The following C4orf51 variants were observed in gnomAD, a reference collection of about 807,000 sequenced individuals.
C4orf51 encodes the protein chromosome 4 open reading frame 51.
C4orf51 carries 25 observed loss-of-function variants against 25.2 expected under a neutral mutation model. The observed-to-expected ratio is 0.99, with a 90% confidence interval of 0.72 to 1.39. C4orf51 has a LOEUF of 1.39. C4orf51 is among the 40% of genes most tolerant of loss of function. The pLI is 0.00. For missense variants in C4orf51, 252 were observed against 239.6 expected (o/e 1.05, Z -0.34); for synonymous variants, 100 against 84.5 (o/e 1.18, Z -1.01).
In C4orf51 at chr4:145,680,386, G is replaced by A. The variant is rs1279686716; in HGVS notation, c.183G>A (p.Met61Ile). Residue 61 changes from methionine (M) to isoleucine (I), a missense_variant, in exon 1 of 6, where the codon ATG (methionine) becomes ATA (isoleucine). By Grantham distance (10) the Met-to-Ile change is conservative. Coordinates refer to ENST00000438731, the MANE Select transcript of C4orf51 (RefSeq NM_001080531.3). ...SYRKKQLDKS[M>I]CSQFSFRAGQ... ...GGAAAAAACAACTGGACAAGTCCAT[G>A]TGCAGCCAATTTTCTTTTAGAGCAG... 6.2e-7 allele frequency: 1 copy of A among 1,613,982 alleles called. No homozygotes were observed. The highest frequency in any genetic ancestry group is 8.5e-7 in the Non-Finnish European group (1 of 1,179,850).
At position 145,729,185 on chromosome 4, in the gene C4orf51, A is replaced by G. The variant is rs747335163; in HGVS notation, c.383A>G (p.Asp128Gly). 3.1e-6 allele frequency: 5 copies of G among 1,604,990 alleles called. No individual in the cohort carries two copies. Among genetic ancestry groups the G allele is most frequent in the South Asian group, 1.1e-5 (1 of 90,410 alleles). Residue 128 changes from aspartate (D) to glycine (G), a missense_variant, in exon 4 of 6, where the codon GAT (aspartate) becomes GGT (glycine). Physicochemically the swap from Asp to Gly is moderately conservative, Grantham distance 94 (BLOSUM62 -1). Coordinates refer to ENST00000438731, the MANE Select transcript of C4orf51 (RefSeq NM_001080531.3). ...TTTTTATAGGCACATCAAATTTGGGATTTTGGTGATTGTTTTCCGACACCT... is the reference window on the plus strand; with the variant it reads ...TTTTTATAGGCACATCAAATTTGGGGTTTTGGTGATTGTTTTCCGACACCT... ...VKHGVAHQIW[D>G]FGDCFPTPPN...
intron 2 of C4orf51, among the ~76,000 whole-genome samples, chr4:145,702,325 C>T (rs1298897038): frequency 3.3e-5 from 5 of 151,880 alleles, no homozygotes; most frequent in African/African-American, 1.2e-4. Flanking sequence ...ACCCATTATT[C>T]TGTTCTGGAT....
rs1277878018 is a variant in C4orf51 at position 145,761,159 on chromosome 4, A to G, written n.167-9829A>G. ...CCGGCCGGTTCCTTGGGGGCTGGAC[A>G]CAGGCCCTTCTTGTCCTCCTCGGGG... On this transcript the variant is annotated intron_variant and non_coding_transcript_variant, in intron 1 of 1. Coordinates refer to the C4orf51 transcript ENST00000510096. The surrounding 1 kb of genome is among the most constrained non-coding windows in gnomAD (Gnocchi z 6.8). 7.8e-7 allele frequency: 1 copy of G among 1,289,838 alleles called. No individual in the cohort carries two copies. The highest frequency in any genetic ancestry group is 1.2e-5 in the South Asian group (1 of 81,038). The allele number at this position is 1,289,838 out of a possible 1,614,324, so 79.9% of individuals were successfully genotyped here. A position where few individuals can be genotyped will look rare whatever the true frequency, so the allele number is the denominator to read the frequency against.
chr4:145,734,763 C>T (rs1732710711), downstream of C4orf51, among the ~76,000 whole-genome samples: 1 of 152,228 alleles, frequency 6.6e-6, no homozygotes, highest in Admixed American at 6.5e-5. Context: ...CTTGGACTGA[C>T]AGCGAGAGGT....
intron 2 of C4orf51, among the ~76,000 whole-genome samples, chr4:145,725,203 T>A (rs561922588): frequency 1.8e-4 from 28 of 151,834 alleles, no homozygotes; most frequent in South Asian, 6.2e-4. Flanking sequence ...TAGAAATTTT[T>A]AAAAAAATAA....
chr4:145,725,577 A>T (rs1284024951), intron 2 of C4orf51, among the ~76,000 whole-genome samples: 7 of 147,724 alleles, frequency 4.7e-5, no homozygotes, highest in Admixed American at 6.8e-5. Context: ...GTATATTCGT[A>T]CAATGGAACA....
chr4:145,706,564 A>G (rs1730821667), intron 2 of C4orf51, among the ~76,000 whole-genome samples: 1 of 152,196 alleles, frequency 6.6e-6, no homozygotes, highest in Non-Finnish European at 1.5e-5. Context: ...TTGATTCCTT[A>G]AAGAAAAGCA....
intron 2 of C4orf51, among the ~76,000 whole-genome samples, chr4:145,717,704 T>C (rs958058781): frequency 6.6e-6 from 1 of 152,202 alleles, no homozygotes; most frequent in Non-Finnish European, 1.5e-5. Context: ...GTTCTCAAAT[T>C]CCTTTTCACA....
At chr4:145,744,029 C>T (rs887911298) in intron 1 of C4orf51, among the ~76,000 whole-genome samples, 2 of 152,194 alleles carry the variant, frequency 1.3e-5, no homozygotes, top group African/African-American at 2.4e-5. Flanking sequence ...TGCTCAAACA[C>T]GCATTTCTTC....
chr4:145,768,423 C>G (rs1006431258), intron 1 of C4orf51, among the ~76,000 whole-genome samples: 1 of 152,022 alleles, frequency 6.6e-6, no homozygotes, highest in African/African-American at 2.4e-5. Flanking sequence ...CTTTGGCCTC[C>G]CAAAGTACTG....
At chr4:145,692,829 A>G (rs1315937379) in intron 1 of C4orf51, among the ~76,000 whole-genome samples, 1 of 151,940 alleles carries the variant, frequency 6.6e-6, no homozygotes, top group Non-Finnish European at 1.5e-5. Flanking sequence ...TGCACTTCCC[A>G]CCCAGTCCCT....
At chr4:145,718,360 G>A (rs1731531512) in intron 2 of C4orf51, among the ~76,000 whole-genome samples, 3 of 152,178 alleles carry the variant, frequency 2.0e-5, no homozygotes, top group African/African-American at 4.8e-5. Flanking sequence ...TAACAAGGAC[G>A]GCAGTGCCTA....
intron 1 of C4orf51, among the ~76,000 whole-genome samples, chr4:145,693,386 A>G (rs912094418): frequency 3.3e-5 from 5 of 151,282 alleles, no homozygotes; most frequent in Non-Finnish European, 7.4e-5. Flanking sequence ...AGGCAGAGGA[A>G]TTTTTCTTAG....
chr4:145,763,078 G>A lies in C4orf51; in HGVS notation n.167-7910G>A, dbSNP rs1734779597. On this transcript the variant is annotated intron_variant and non_coding_transcript_variant, in intron 1 of 1. Transcript: ENST00000510096. The surrounding 1 kb of genome is among the most constrained non-coding windows in gnomAD (Gnocchi z 4.6). ...GGTGCACACACAACCCCTACGCCAA[G>A]CTGGGCCTTACCTAGAGGAGTCTGA... 1.4e-5 allele frequency: 22 copies of A among 1,535,860 alleles called. No homozygotes were observed. The highest frequency in any genetic ancestry group is 3.9e-5 in the Admixed American group (2 of 50,968).
chr4:145,680,194 G>A lies in C4orf51; in HGVS notation c.-10G>A, dbSNP rs181753963. On this transcript the variant is annotated 5_prime_UTR_variant, in exon 1 of 6. Coordinates refer to ENST00000438731, the MANE Select transcript of C4orf51 (RefSeq NM_001080531.3). ...TGACAAGTTGTTTTCCAGAGAGGCCGTTCGTAGTTATGTCACACTACTTCT... is the reference window on the plus strand; with the variant it reads ...TGACAAGTTGTTTTCCAGAGAGGCCATTCGTAGTTATGTCACACTACTTCT... 6.7e-4 allele frequency: 1,065 copies of A among 1,590,738 alleles called. 3 individuals are homozygous for A. Among genetic ancestry groups the A allele is most frequent in the Non-Finnish European group, 7.2e-4 (839 of 1,158,940 alleles).
At chr4:145,687,972 T>C (rs545541027) in intron 1 of C4orf51, among the ~76,000 whole-genome samples, 2 of 152,044 alleles carry the variant, frequency 1.3e-5, no homozygotes. Context: ...TGCTTACCAG[T>C]AACAGTTGAA....
At chr4:145,691,395 A>G (rs1186763045) in intron 1 of C4orf51, among the ~76,000 whole-genome samples, 1 of 152,226 alleles carries the variant, frequency 6.6e-6, no homozygotes, top group Non-Finnish European at 1.5e-5. Flanking sequence ...AGATTTCTCA[A>G]AGAACTAAAT....
At chr4:145,696,499 C>A in intron 1 of C4orf51, 60 bp from the exon 2 acceptor site, 2 of 1,342,484 alleles carry the variant, frequency 1.5e-6, no homozygotes, top group Non-Finnish European at 1.1e-6. Flanking sequence ...AGTCCACAGG[C>A]TTCATGTGAT....
At chr4:145,749,929 C>T (rs191864089) in intron 1 of C4orf51, among the ~76,000 whole-genome samples, 5 of 152,202 alleles carry the variant, frequency 3.3e-5, no homozygotes, top group Admixed American at 1.3e-4. Flanking sequence ...CCACCGTGCC[C>T]GTCCATCACC....
Sources: allele counts gnomAD v4.1 joint callset (sites outside exome capture counted in the v4.1 genomes callset), GRCh38; gene constraint gnomAD v4.1.1; non-coding constraint Gnocchi (gnomAD v3.1); transcripts MANE v1.5; gene names NCBI Gene and HGNC (gene_info 2026-07-23, HGNC 2026-07-21).